The following PPARGC1A variants were observed in gnomAD, a reference collection of about 807,000 sequenced individuals.
The protein encoded by PPARGC1A is peroxisome proliferator-activated receptor gamma coactivator 1-alpha.
In PPARGC1A, 25 loss-of-function variants were observed where a neutral mutation model predicts 88.7. The observed-to-expected ratio is 0.28, with a 90% CI of 0.21 to 0.39. The LOEUF is 0.39. Ranked by LOEUF, PPARGC1A falls within the 10% of genes least tolerant of loss-of-function variation. The pLI is 1.00. For synonymous variants in PPARGC1A, 363 were observed against 355.6 expected (o/e 1.02, Z -0.24); for missense variants, 880 against 968.7 (o/e 0.91, Z 1.22).
chr4:24,095,909 A>C, the PPARGC1A span, among the ~76,000 whole-genome samples: 2 of 152,072 alleles, frequency 1.3e-5, no homozygotes, highest in African/African-American at 4.8e-5. Flanking sequence ...CAGCCTCATC[A>C]CCTCTTAAAG....
chr4:24,257,528 AAGCAGTTGCTTTGGGATTGCAC>A, the PPARGC1A span, among the ~76,000 whole-genome samples: 29 of 152,262 alleles, frequency 1.9e-4, no homozygotes, highest in African/African-American at 6.0e-4. Flanking sequence ...AAATCTACCA[AAGCAGTTGCTTTGGGATTGCAC>A]AGTCTCCTCC....
chr4:24,434,398 A>T, the PPARGC1A span, among the ~76,000 whole-genome samples: 2 of 152,112 alleles, frequency 1.3e-5, no homozygotes, highest in African/African-American at 4.8e-5. Context: ...TGCCCGGGAG[A>T]GCTGAGAGAG....
At chr4:23,900,910 T>C (rs1465860969), upstream of PPARGC1A, among the ~76,000 whole-genome samples, 1 of 152,210 alleles carries the variant, frequency 6.6e-6, no homozygotes, top group Non-Finnish European at 1.5e-5. Flanking sequence ...CAAAAGTCTT[T>C]CAAGAATTTC....
At chr4:24,165,138 C>T in the PPARGC1A span, among the ~76,000 whole-genome samples, 4 of 151,836 alleles carry the variant, frequency 2.6e-5, no homozygotes, top group African/African-American at 7.3e-5. Context: ...GACCCTTTTT[C>T]CATAATGGAA....
At chr4:24,184,324 C>G in the PPARGC1A span, among the ~76,000 whole-genome samples, 1 of 152,148 alleles carries the variant, frequency 6.6e-6, no homozygotes, top group East Asian at 1.9e-4. Context: ...AGTGAGATAA[C>G]AGAAGATCCA....
At chr4:24,054,172 A>C in the PPARGC1A span, among the ~76,000 whole-genome samples, 1 of 152,186 alleles carries the variant, frequency 6.6e-6, no homozygotes, top group Non-Finnish European at 1.5e-5. Flanking sequence ...AATTTTAAGA[A>C]TCTGAATGTG....
chr4:24,044,148 T>C, the PPARGC1A span, among the ~76,000 whole-genome samples: 1 of 152,352 alleles, frequency 6.6e-6, no homozygotes, highest in South Asian at 2.1e-4. Context: ...TTCAAGAAGA[T>C]GGCAGTTGAG....
chr4:24,256,772 C>A, the PPARGC1A span, among the ~76,000 whole-genome samples: 1 of 152,270 alleles, frequency 6.6e-6, no homozygotes, highest in East Asian at 1.9e-4. Flanking sequence ...TCCATGGGCA[C>A]ACGTGATTCC....
the PPARGC1A span, among the ~76,000 whole-genome samples, chr4:24,364,129 A>G: frequency 6.6e-6 from 1 of 152,162 alleles, no homozygotes; most frequent in Admixed American, 6.5e-5. Flanking sequence ...GCTAGCAACT[A>G]TCCACTGTGG....
chr4:24,305,638 C>T, the PPARGC1A span, among the ~76,000 whole-genome samples: 1 of 152,072 alleles, frequency 6.6e-6, no homozygotes, highest in Non-Finnish European at 1.5e-5. Context: ...CATGGAGACA[C>T]CCTATCTCTA....
the PPARGC1A span, among the ~76,000 whole-genome samples, chr4:24,167,679 CA>C: frequency 3.3e-5 from 5 of 152,206 alleles, no homozygotes; most frequent in East Asian, 9.7e-4. Context: ...CTTCCACCAC[CA>C]AAAAGAGTAC....
At chr4:24,130,694 C>A in the PPARGC1A span, among the ~76,000 whole-genome samples, 1 of 152,108 alleles carries the variant, frequency 6.6e-6, no homozygotes, top group African/African-American at 2.4e-5. Context: ...CATCTCCAGA[C>A]CTGAACGTCC....
chr4:23,841,244 T>C (rs1727004099), intron 2 of PPARGC1A, among the ~76,000 whole-genome samples: 1 of 152,110 alleles, frequency 6.6e-6, no homozygotes, highest in Non-Finnish European at 1.5e-5. Flanking sequence ...ATTGACTCTC[T>C]AGTCAAGAGA....
chr4:24,115,065 G>T, the PPARGC1A span, among the ~76,000 whole-genome samples: 1 of 152,102 alleles, frequency 6.6e-6, no homozygotes, highest in Non-Finnish European at 1.5e-5. Flanking sequence ...TTTGAATCCA[G>T]CATACCTTCC....
chr4:23,912,098 AG>A, the PPARGC1A span, among the ~76,000 whole-genome samples: 1 of 152,340 alleles, frequency 6.6e-6, no homozygotes, highest in East Asian at 1.9e-4. Flanking sequence ...GAAATTTTTT[AG>A]AAAAGGAGAG....
chr4:24,215,407 T>G, the PPARGC1A span, among the ~76,000 whole-genome samples: 1 of 152,224 alleles, frequency 6.6e-6, no homozygotes, highest in Non-Finnish European at 1.5e-5. Context: ...ATTAAATTAC[T>G]GTTAAAAGAA....
the PPARGC1A span, among the ~76,000 whole-genome samples, chr4:23,968,955 C>A: frequency 6.6e-6 from 1 of 151,938 alleles, no homozygotes; most frequent in African/African-American, 2.4e-5. Flanking sequence ...CAAAGAACTA[C>A]TGAGGCTTCA....
chr4:24,127,361 A>G, the PPARGC1A span, among the ~76,000 whole-genome samples: 6 of 152,176 alleles, frequency 3.9e-5, no homozygotes, highest in South Asian at 1.0e-3. Context: ...TTTTCACGCC[A>G]TAAGCCATAG....
the PPARGC1A span, among the ~76,000 whole-genome samples, chr4:23,961,464 T>G: frequency 6.6e-6 from 1 of 152,180 alleles, no homozygotes. Context: ...ACATCGCCCC[T>G]GCTTCCCTGC....
Sources: allele counts gnomAD v4.1 joint callset (sites outside exome capture counted in the v4.1 genomes callset), GRCh38; gene constraint gnomAD v4.1.1; transcripts MANE v1.5; gene names NCBI Gene and HGNC (gene_info 2026-07-23, HGNC 2026-07-21).